Variants in GRAMD1B observed in about 807,000 individuals in gnomAD.
GRAMD1B encodes the protein protein Aster-B.
A neutral mutation model predicts 99.7 loss-of-function variants in GRAMD1B; 37 were observed. The observed-to-expected ratio is 0.37, with a 90% confidence interval of 0.29 to 0.49. The LOEUF is 0.49. Ranked by LOEUF, GRAMD1B falls within the 20% of genes least tolerant of loss-of-function variation. The pLI is 0.98. For synonymous variants in GRAMD1B, 427 were observed against 387.6 expected (o/e 1.10, Z -1.19); for missense variants, 888 against 1,009.2 (o/e 0.88, Z 1.63).
At chr11:123,469,772 T>TTCCTTCCTTCCTTCCTTCCTTCC (rs57120052) in intron 1 of GRAMD1B, among the ~76,000 whole-genome samples, 3 of 108,290 alleles carry the variant, frequency 2.8e-5, no homozygotes, top group Admixed American at 9.4e-5. Flanking sequence ...TTTCTTTCTC[T>TTCCTTCCTTCCTTCCTTCCTTCC]TTCTTTCCTT....
At chr11:123,396,156 G>T (rs946843446) in intron 1 of GRAMD1B, among the ~76,000 whole-genome samples, 14 of 151,002 alleles carry the variant, frequency 9.3e-5, no homozygotes, top group African/African-American at 3.4e-4. Context: ...TCCTCTTGCT[G>T]CTTCCCCATA....
chr11:123,385,532 C>T (rs1009425942), intron 1 of GRAMD1B, among the ~76,000 whole-genome samples: 1 of 152,124 alleles, frequency 6.6e-6, no homozygotes, highest in Non-Finnish European at 1.5e-5. Flanking sequence ...CTTTCCTGTC[C>T]ACTGCCCATG....
chr11:123,594,640 C>G, intron 5 of GRAMD1B, 95 bp from the exon 6 acceptor site: 2 of 724,348 alleles, frequency 2.8e-6, no homozygotes, highest in South Asian at 1.6e-5. Flanking sequence ...TTGGGCTCCC[C>G]CAGTGCTGGT....
At chr11:123,559,227 C>T (rs1946449622) in intron 2 of GRAMD1B, among the ~76,000 whole-genome samples, 1 of 152,210 alleles carries the variant, frequency 6.6e-6, no homozygotes, top group African/African-American at 2.4e-5. Flanking sequence ...ATTAAAGTTT[C>T]CCAGGCATTG....
intron 4 of GRAMD1B, among the ~76,000 whole-genome samples, chr11:123,585,265 G>T (rs1273257299): frequency 1.3e-5 from 2 of 152,228 alleles, no homozygotes; most frequent in Non-Finnish European, 2.9e-5. Context: ...CTGGCCAGGG[G>T]ATGGGCTGGA....
chr11:123,526,384 TC>T (rs1366460383), intron 2 of GRAMD1B, among the ~76,000 whole-genome samples: 1 of 152,110 alleles, frequency 6.6e-6, no homozygotes, highest in Non-Finnish European at 1.5e-5. Flanking sequence ...TTCTTCGAGG[TC>T]GGGGGTTTTG....
At chr11:123,504,262 C>G (rs1002692844) in intron 2 of GRAMD1B, among the ~76,000 whole-genome samples, 4 of 152,208 alleles carry the variant, frequency 2.6e-5, no homozygotes, top group African/African-American at 9.7e-5. Flanking sequence ...CTCCCCTAAG[C>G]AAGACGCCAT....
chr11:123,609,265 C>T (rs949724361), intron 12 of GRAMD1B, among the ~76,000 whole-genome samples: 16 of 152,170 alleles, frequency 1.1e-4, no homozygotes, highest in Admixed American at 6.5e-5. Flanking sequence ...GGAGCTAGGC[C>T]GGGCCTCACA....
chr11:123,387,596 C>T (rs1395252971), intron 1 of GRAMD1B, among the ~76,000 whole-genome samples: 1 of 152,074 alleles, frequency 6.6e-6, no homozygotes, highest in African/African-American at 2.4e-5. Context: ...CTTATGGATC[C>T]ACAAAGCCAA....
intron 2 of GRAMD1B, among the ~76,000 whole-genome samples, chr11:123,524,639 C>G (rs548187765): frequency 1.3e-4 from 20 of 152,088 alleles, no homozygotes; most frequent in Admixed American, 6.6e-5. Flanking sequence ...TGTGCGTGAC[C>G]AAAGGAGAAA....
chr11:123,538,356 G>A (rs1002797337), intron 2 of GRAMD1B, among the ~76,000 whole-genome samples: 9 of 151,998 alleles, frequency 5.9e-5, no homozygotes, highest in African/African-American at 2.2e-4. Context: ...TTGGCATGGT[G>A]GAACAGCCAC....
At chr11:123,583,088 A>G (rs1194868928) in intron 3 of GRAMD1B, among the ~76,000 whole-genome samples, 1 of 150,360 alleles carries the variant, frequency 6.7e-6, no homozygotes, top group African/African-American at 2.5e-5. Flanking sequence ...GTGTGTATGT[A>G]TGTGCCTGTG....
intron 2 of GRAMD1B, among the ~76,000 whole-genome samples, chr11:123,512,659 T>C (rs1377510703): frequency 3.3e-5 from 5 of 151,690 alleles, no homozygotes; most frequent in Non-Finnish European, 2.9e-5. Context: ...GAGAATCTGA[T>C]TGGCTAACAG....
intron 2 of GRAMD1B, among the ~76,000 whole-genome samples, chr11:123,530,474 G>A (rs1943240941): frequency 6.6e-6 from 1 of 152,092 alleles, no homozygotes; most frequent in East Asian, 1.9e-4. Flanking sequence ...CCGTCCCCCC[G>A]GATTCAAGTG....
chr11:123,419,251 C>G (rs1012739644), intron 1 of GRAMD1B, among the ~76,000 whole-genome samples: 1 of 152,190 alleles, frequency 6.6e-6, no homozygotes, highest in Non-Finnish European at 1.5e-5. Context: ...GTTGTCTGGT[C>G]TCAAACTCAT....
chr11:123,407,022 A>G (rs1463317295), intron 1 of GRAMD1B, among the ~76,000 whole-genome samples: 1 of 152,244 alleles, frequency 6.6e-6, no homozygotes, highest in South Asian at 2.1e-4. Flanking sequence ...CACTTACCAC[A>G]TGTTTAAAAT....
rs538630870 is a variant in GRAMD1B at position 123,416,271 on chromosome 11, C to A, written c.-176+57472C>A. On this transcript the variant is annotated intron_variant, in intron 1 of 20. Coordinates refer to the GRAMD1B transcript ENST00000638157. The stretch of plus-strand genomic sequence containing the variant: ...AGAAGGCCAAAATGCCATCTTTTAA[C>A]TTCTATTGGGTGTGATGGAGATGAT... Among the ~76,000 whole-genome samples the A allele has an allele frequency of 2.2e-3, 340 of 152,212 alleles. 1 individual carries two copies. The highest frequency in any genetic ancestry group is 2.0e-3 in the Non-Finnish European group (139 of 68,010).
chr11:123,377,376 G>A (rs1946723344), intron 1 of GRAMD1B, among the ~76,000 whole-genome samples: 2 of 152,136 alleles, frequency 1.3e-5, no homozygotes, highest in Admixed American at 1.3e-4. Context: ...TGTTCTGGGT[G>A]GATAAAGCAT....
chr11:123,537,124 A>G (rs898776674), intron 2 of GRAMD1B, among the ~76,000 whole-genome samples: 27 of 152,174 alleles, frequency 1.8e-4, no homozygotes, highest in African/African-American at 5.8e-4. Flanking sequence ...TGGCAAGCAT[A>G]AAAGGATGAG....
Sources: gnomAD v4.1 joint callset for allele counts (sites outside exome capture counted in the v4.1 genomes callset) on GRCh38, gnomAD v4.1.1 for gene constraint, MANE v1.5 for transcripts, NCBI Gene and HGNC (gene_info 2026-07-23, HGNC 2026-07-21) for gene names.